GRAMD2B: variants seen among roughly 807,000 people sequenced by gnomAD.
GRAMD2B encodes GRAM domain containing 2B.
Under a neutral mutation model 59.2 loss-of-function variants are expected in GRAMD2B, and 41 were observed. That is an observed-to-expected ratio of 0.69 (90% confidence interval 0.54 to 0.90). The LOEUF is 0.90. GRAMD2B is among the 40% of genes least tolerant of loss of function. GRAMD2B has a pLI of 0.00. For synonymous variants in GRAMD2B, 161 were observed against 182.7 expected (o/e 0.88, Z 0.96); for missense variants, 424 against 500.5 (o/e 0.85, Z 1.46).
chr5:126,483,147 T>G (rs527497195), intron 8 of GRAMD2B, among the ~76,000 whole-genome samples: 9 of 152,368 alleles, frequency 5.9e-5, no homozygotes, highest in Admixed American at 1.3e-4. Flanking sequence ...GGTTTTCTCA[T>G]TACGAAGTGC....
chr5:126,463,725 C>T (rs891337273), intron 1 of GRAMD2B, among the ~76,000 whole-genome samples: 11 of 152,130 alleles, frequency 7.2e-5, no homozygotes, highest in South Asian at 4.1e-4. Context: ...AAATTAAGAG[C>T]GTCAACCATT....
Position 126,371,648 on chromosome 5 carries a change from C to G in GRAMD2B, c.125+81C>G, listed in dbSNP as rs1340257496. 3.5e-6 allele frequency: 4 copies of G among 1,135,942 alleles called. No homozygotes were observed. In the East Asian group the frequency reaches 2.6e-4, roughly 73 times the overall value. The allele number at this position is 1,135,942 out of a possible 1,614,324, so 70.4% of individuals were successfully genotyped here. ...CCCAACTGGTGACCCTTGGAGAGCTCCTTTTTCATTCCTGGAGGTAGGGAT... is the reference window on the plus strand; with the variant it reads ...CCCAACTGGTGACCCTTGGAGAGCTGCTTTTTCATTCCTGGAGGTAGGGAT... On this transcript the variant is annotated intron_variant, in intron 1 of 8. Coordinates refer to the GRAMD2B transcript ENST00000506445.
chr5:126,401,796 T>C lies in GRAMD2B; in HGVS notation c.125+30229T>C, dbSNP rs539619487. The stretch of plus-strand genomic sequence containing the variant: ...TGATAGCTTACATTATTACACAGTG[T>C]TTTGGGTAGACATTAAATACTGTAT... On this transcript the variant is annotated intron_variant, in intron 1 of 8. Transcript: ENST00000506445. 9.2e-5 allele frequency among the ~76,000 whole-genome samples: 14 copies of C among 152,166 alleles called. No homozygotes were observed. The South Asian group carries it at 2.3e-3, about 25-fold the overall frequency.
Position 126,457,162 on chromosome 5 carries a change from A to C in GRAMD2B, c.84-8264A>C, listed in dbSNP as rs13168955. ...AGCCAAGATCGCGCCACTGCACTCC[A>C]GCAGAGGCGACAGTGCGAGACTCCG... On this transcript the variant is annotated intron_variant, in intron 1 of 13. Coordinates refer to ENST00000285689, the MANE Select transcript of GRAMD2B (RefSeq NM_023927.4). Among the ~76,000 whole-genome samples the C allele has an allele frequency of 6.4e-5, 9 of 140,806 alleles. No individual in the cohort carries two copies. In the South Asian group the frequency reaches 2.1e-3, roughly 33 times the overall value. The allele number at this position is 140,806 out of a possible 152,430, so 92.4% of individuals were successfully genotyped here. A position where few individuals can be genotyped will look rare whatever the true frequency, so the allele number is the denominator to read the frequency against.
chr5:126,448,451 G>C (rs545437168), intron 1 of GRAMD2B, among the ~76,000 whole-genome samples: 3 of 152,182 alleles, frequency 2.0e-5, no homozygotes, highest in South Asian at 2.1e-4. Context: ...CCTGTTTTCT[G>C]TACTCATCTT....
At chr5:126,388,408 G>A (rs1756379243) in intron 1 of GRAMD2B, among the ~76,000 whole-genome samples, 1 of 151,722 alleles carries the variant, frequency 6.6e-6, no homozygotes, top group South Asian at 2.1e-4. Context: ...ATTAAATAAA[G>A]ATGCTGTTTT....
chr5:126,462,296 C>A, intron 1 of GRAMD2B: 1 of 299,984 alleles, frequency 3.3e-6, no homozygotes, highest in Non-Finnish European at 4.9e-6. Context: ...TGGCCTGGTT[C>A]AGCTTCATTG....
intron 1 of GRAMD2B, among the ~76,000 whole-genome samples, chr5:126,381,327 T>A (rs1217910379): frequency 6.6e-6 from 1 of 152,202 alleles, no homozygotes; most frequent in Non-Finnish European, 1.5e-5. Flanking sequence ...GATTTTCTCA[T>A]CTATGTTCAT....
intron 1 of GRAMD2B, among the ~76,000 whole-genome samples, chr5:126,450,062 T>A (rs572560994): frequency 6.6e-6 from 1 of 152,260 alleles, no homozygotes; most frequent in South Asian, 2.1e-4. Flanking sequence ...GATCTCTTTT[T>A]TTTTTTCCTC....
intron 1 of GRAMD2B, among the ~76,000 whole-genome samples, chr5:126,389,397 G>A (rs545522015): frequency 2.6e-5 from 4 of 152,204 alleles, no homozygotes; most frequent in African/African-American, 4.8e-5. Flanking sequence ...TCATTCTTCC[G>A]TGAGCAAGGA....
chr5:126,456,661 C>T (rs1414985945), intron 1 of GRAMD2B, among the ~76,000 whole-genome samples: 1 of 152,040 alleles, frequency 6.6e-6, no homozygotes, highest in East Asian at 1.9e-4. Context: ...TATACTAACT[C>T]CCTCCTTCCC....
At chr5:126,403,610 A>G (rs976178033) in intron 1 of GRAMD2B, among the ~76,000 whole-genome samples, 1 of 151,928 alleles carries the variant, frequency 6.6e-6, no homozygotes, top group African/African-American at 2.4e-5. Flanking sequence ...CAGGGGGGAA[A>G]AAATTTTAAC....
chr5:126,392,693 T>C (rs1266970369), intron 1 of GRAMD2B, among the ~76,000 whole-genome samples: 1 of 152,064 alleles, frequency 6.6e-6, no homozygotes, highest in Admixed American at 6.5e-5. Context: ...TTTAAAATTA[T>C]TCTTCTTTCA....
intron 1 of GRAMD2B, among the ~76,000 whole-genome samples, chr5:126,388,933 T>C (rs1422300881): frequency 1.3e-5 from 2 of 152,114 alleles, no homozygotes; most frequent in Non-Finnish European, 2.9e-5. Context: ...CTGATGGGCA[T>C]ACCAGAAGCC....
exon 1 of GRAMD2B, chr5:126,371,359 A>C: frequency 8.3e-7 from 1 of 1,211,248 alleles, no homozygotes; most frequent in South Asian, 1.5e-5. Flanking sequence ...ACAAAGCTGA[A>C]ACGCAGAGAT....
intron 1 of GRAMD2B, among the ~76,000 whole-genome samples, chr5:126,416,050 T>C (rs1759242148): frequency 6.6e-6 from 1 of 152,190 alleles, no homozygotes; most frequent in African/African-American, 2.4e-5. Context: ...CTAATATTGA[T>C]GGTGTGATCA....
chr5:126,402,741 A>G (rs769988859), intron 1 of GRAMD2B, among the ~76,000 whole-genome samples: 2 of 152,010 alleles, frequency 1.3e-5, no homozygotes, highest in Non-Finnish European at 2.9e-5. Context: ...AGCCAAAGAA[A>G]TATTATTGTG....
chr5:126,457,179 G>A (rs1227416429), intron 1 of GRAMD2B, among the ~76,000 whole-genome samples: 3 of 101,040 alleles, frequency 3.0e-5, no homozygotes, highest in South Asian at 3.9e-4. Flanking sequence ...GCGACAGTGC[G>A]AGACTCCGTC....
intron 1 of GRAMD2B, among the ~76,000 whole-genome samples, chr5:126,388,988 G>C (rs1390432704): frequency 6.6e-6 from 1 of 152,042 alleles, no homozygotes; most frequent in Non-Finnish European, 1.5e-5. Context: ...AAACCTGACT[G>C]GTACCTCCTA....
Sources: gnomAD v4.1 joint callset for allele counts (sites outside exome capture counted in the v4.1 genomes callset) on GRCh38, gnomAD v4.1.1 for gene constraint, MANE v1.5 for transcripts, NCBI Gene and HGNC (gene_info 2026-07-23, HGNC 2026-07-21) for gene names.